Variants in LCP2 observed in about 807,000 individuals in gnomAD.
LCP2 encodes lymphocyte cytosolic protein 2, also known as 76 kDa tyrosine phosphoprotein.
A neutral mutation model predicts 74.5 loss-of-function variants in LCP2; 29 were observed. The ratio of observed to expected loss-of-function variants is 0.39; its 90% CI spans 0.29 to 0.53. The LOEUF (loss-of-function observed/expected upper bound fraction) is 0.53. LCP2 is among the 20% of genes least tolerant of loss of function. LCP2 has a pLI of 0.72. For synonymous variants in LCP2, 228 were observed against 229.5 expected, an observed-to-expected ratio of 0.99 and a Z score of 0.06; for missense variants, 604 against 634.6, an observed-to-expected ratio of 0.95 and a Z score of 0.52.
intron 15 of LCP2, chr5:170,258,478 C>T: frequency 2.9e-6 from 1 of 346,750 alleles, no homozygotes; most frequent in Middle Eastern, 7.8e-4. Context: ...TTATAAATTT[C>T]AGAAATGATT....
rs887534743 is a variant in LCP2 at position 170,275,857 on chromosome 5, A to C, written c.192T>G (p.Ile64Met). The C allele has an allele frequency of 1.3e-6, 2 of 1,568,888 alleles. No homozygotes were observed. ...IQKFPKLRVP[I>M]LSKLSQEINK... is the part of the protein sequence containing the mutation. ...TGATTTCCTGACTTAACTTACTGAG[A>C]ATCCTGCAAGATAAAGAGACAGATG... Residue 64 changes from isoleucine (I) to methionine (M), a missense_variant, in exon 4 of 21, where the codon ATT (isoleucine) becomes ATG (methionine). Coordinates refer to ENST00000046794, the MANE Select transcript of LCP2 (RefSeq NM_005565.5).
intron 19 of LCP2, chr5:170,252,093 A>G (rs1761457275): frequency 4.9e-6 from 1 of 205,760 alleles, no homozygotes. Context: ...TAAGAGGAAG[A>G]TAGAACTGGT....
At chr5:170,261,304 G>A (rs1761646463) in intron 13 of LCP2, among the ~76,000 whole-genome samples, 167 bp from the exon 14 acceptor site, 2 of 152,238 alleles carry the variant, frequency 1.3e-5, no homozygotes, top group South Asian at 4.1e-4. Flanking sequence ...GGGTGGAAGG[G>A]AGATCTGGTT....
intron 14 of LCP2, among the ~76,000 whole-genome samples, chr5:170,259,079 T>C (rs1761610767): frequency 6.6e-6 from 1 of 152,230 alleles, no homozygotes; most frequent in Admixed American, 6.5e-5. Flanking sequence ...AACAGTCATC[T>C]AAGGGCATTC....
chr5:170,270,536 A>C (rs1761877564), intron 7 of LCP2, 183 bp downstream of exon 7: 1 of 555,044 alleles, frequency 1.8e-6, no homozygotes, highest in Non-Finnish European at 3.1e-6. Flanking sequence ...ACAGATGAGG[A>C]AATTGAGGCC....
At chr5:170,289,661 CTTTCT>C (rs759236829) in intron 2 of LCP2, among the ~76,000 whole-genome samples, 1 of 119,106 alleles carries the variant, frequency 8.4e-6, no homozygotes, top group Non-Finnish European at 1.7e-5. Flanking sequence ...TTCTTTCTTT[CTTTCT>C]TTCTTTCTCT....
Position 170,270,764 on chromosome 5 carries a change from T to C in LCP2, c.478A>G (p.Ile160Val). ...TTGGGGAAAGGCTTGGCAGGCAGGA[T>C]GGAGTTCTGCAGAGCTTCCTCGTCA... ...SNDEEALQNS[I>V]LPAKPFPNSN... Residue 160 changes from isoleucine (I) to valine (V), a missense_variant, in exon 7 of 21, where the codon ATC becomes GTC. Coordinates refer to ENST00000046794, the MANE Select transcript of LCP2 (RefSeq NM_005565.5). The C allele has an allele frequency of 6.3e-7, 1 of 1,596,578 alleles. No individual in the cohort carries two copies. The highest frequency in any genetic ancestry group is 1.4e-5 in the African/African-American group (1 of 73,964).
intron 3 of LCP2, among the ~76,000 whole-genome samples, chr5:170,282,154 T>C (rs1314502988): frequency 6.6e-6 from 1 of 152,196 alleles, no homozygotes; most frequent in Non-Finnish European, 1.5e-5. Flanking sequence ...GAGCCTTCCT[T>C]ACCACAACTT....
intron 10 of LCP2, 63 bp downstream of exon 10, chr5:170,266,745 T>C: frequency 7.3e-7 from 1 of 1,367,476 alleles, no homozygotes; most frequent in Non-Finnish European, 1.0e-6. Context: ...GTGAAACGTA[T>C]GCAGGAAGCA....
At chr5:170,255,125 G>T (rs747644322) in intron 17 of LCP2, among the ~76,000 whole-genome samples, 1 of 152,210 alleles carries the variant, frequency 6.6e-6, no homozygotes, top group Non-Finnish European at 1.5e-5. Flanking sequence ...ACACAAATGT[G>T]TGTTTGCAAA....
intron 14 of LCP2, among the ~76,000 whole-genome samples, chr5:170,259,438 C>T (rs1409116962): frequency 6.6e-6 from 1 of 152,124 alleles, no homozygotes; most frequent in African/African-American, 2.4e-5. Flanking sequence ...ATCTACAACC[C>T]TCACCATTTT....
In LCP2 at chr5:170,270,750, C is replaced by A; in HGVS notation, c.492G>T (p.Lys164Asn). 6.3e-7 allele frequency: 1 copy of A among 1,592,994 alleles called. No homozygotes were observed. ...ACATGGAGTTGGAGTTGGGGAAAGG[C>A]TTGGCAGGCAGGATGGAGTTCTGCA... ...EALQNSILPA[K>N]PFPNSNSMYI... Residue 164 changes from lysine (K) to asparagine (N), a missense_variant, in exon 7 of 21, where the codon AAG (lysine) becomes AAT (asparagine). Physicochemically the swap from Lys to Asn is moderately conservative, Grantham distance 94 (BLOSUM62 0). Coordinates refer to ENST00000046794, the MANE Select transcript of LCP2 (RefSeq NM_005565.5).
intron 4 of LCP2, 82 bp downstream of exon 4, chr5:170,275,713 G>T (rs1761994931): frequency 8.3e-7 from 1 of 1,204,474 alleles, no homozygotes; most frequent in African/African-American, 1.5e-5. Flanking sequence ...AAAAAGTAGG[G>T]CAAAAACAGT....
intron 3 of LCP2, among the ~76,000 whole-genome samples, chr5:170,280,977 C>G (rs1294515839): frequency 6.6e-6 from 1 of 152,110 alleles, no homozygotes; most frequent in Non-Finnish European, 1.5e-5. Context: ...GCACTCCAGT[C>G]TGGGCAACAA....
chr5:170,275,649 C>G, intron 4 of LCP2, 146 bp downstream of exon 4: 2 of 737,226 alleles, frequency 2.7e-6, no homozygotes, highest in South Asian at 3.5e-5. Flanking sequence ...AACCCCTTCC[C>G]CTCGTTGGAC....
At chr5:170,278,215 G>A (rs1295639715) in intron 3 of LCP2, among the ~76,000 whole-genome samples, 1 of 148,816 alleles carries the variant, frequency 6.7e-6, no homozygotes, top group Non-Finnish European at 1.5e-5. Flanking sequence ...ACTTAGAAGT[G>A]CTCAAGGTGC....
intron 3 of LCP2, among the ~76,000 whole-genome samples, chr5:170,280,710 T>TA (rs2113198897): frequency 6.6e-6 from 1 of 152,242 alleles, no homozygotes; most frequent in South Asian, 2.1e-4. Flanking sequence ...TTTTTACAAA[T>TA]AAAAAAGGCA....
chr5:170,274,161 G>A, intron 6 of LCP2, 140 bp downstream of exon 6: 1 of 842,958 alleles, frequency 1.2e-6, no homozygotes, highest in Non-Finnish European at 1.9e-6. Context: ...GCCCTGTGCA[G>A]AGCACCTTTT....
intron 2 of LCP2, among the ~76,000 whole-genome samples, chr5:170,291,193 A>AGAAGGAAGGAAG (rs1561979293): frequency 9.7e-5 from 6 of 62,164 alleles, no homozygotes; most frequent in African/African-American, 4.2e-4. Flanking sequence ...AAGGAAGGAA[A>AGAAGGAAGGAAG]GAAGGCAGGA....
Sources: gnomAD v4.1 joint callset for allele counts (sites outside exome capture counted in the v4.1 genomes callset) on GRCh38, gnomAD v4.1.1 for gene constraint, MANE v1.5 for transcripts, NCBI Gene and HGNC (gene_info 2026-07-23, HGNC 2026-07-21) for gene names.